The following ZNF536 variants were observed in gnomAD, a reference collection of about 807,000 sequenced individuals.
ZNF536 encodes zinc finger protein 536.
Under a neutral mutation model 84.5 loss-of-function variants are expected in ZNF536, and 13 were observed. The ratio of observed to expected loss-of-function variants is 0.15; its 90% CI spans 0.10 to 0.24. The LOEUF (loss-of-function observed/expected upper bound fraction) is 0.24, where lower values mean the gene tolerates loss of function less well. Ranked by LOEUF, ZNF536 falls within the 10% of genes least tolerant of loss-of-function variation. ZNF536 has a pLI of 1.00. For synonymous variants in ZNF536, 811 were observed against 742.5 expected (o/e 1.09, Z -1.50); for missense variants, 1,536 against 1,747.5 (o/e 0.88, Z 2.16).
intron 2 of ZNF536, among the ~76,000 whole-genome samples, chr19:30,525,850 T>A (rs1248984655): frequency 2.0e-5 from 3 of 151,702 alleles, no homozygotes; most frequent in African/African-American, 7.3e-5. Flanking sequence ...AGGGTTGGAG[T>A]GCAGGTGGGG....
At chr19:30,578,605 C>T (rs147515231) in intron 1 of ZNF536, among the ~76,000 whole-genome samples, 1 of 152,262 alleles carries the variant, frequency 6.6e-6, no homozygotes, top group Non-Finnish European at 1.5e-5. Context: ...GGGCACTGCT[C>T]ATGCAATGGA....
intron 1 of ZNF536, among the ~76,000 whole-genome samples, chr19:30,280,401 T>G (rs1392585356): frequency 6.6e-6 from 1 of 152,036 alleles, no homozygotes. Context: ...TTAACTTCCC[T>G]CCCCTACTCC....
chr19:30,629,442 C>T (rs917409518), intron 1 of ZNF536, among the ~76,000 whole-genome samples: 7 of 152,028 alleles, frequency 4.6e-5, no homozygotes, highest in African/African-American at 1.7e-4. Context: ...GCCATTCACC[C>T]ACCTCGGCCT....
At chr19:30,322,031 C>A (rs1759131549) in intron 2 of ZNF536, among the ~76,000 whole-genome samples, 1 of 152,184 alleles carries the variant, frequency 6.6e-6, no homozygotes, top group African/African-American at 2.4e-5. Flanking sequence ...GCCTTGGCCT[C>A]CCAAAGTGCT....
At chr19:30,312,436 C>T (rs2046537640) in intron 2 of ZNF536, among the ~76,000 whole-genome samples, 2 of 152,202 alleles carry the variant, frequency 1.3e-5, no homozygotes, top group African/African-American at 4.8e-5. Flanking sequence ...TTCCCATGCT[C>T]ACATTTGGCT....
intron 2 of ZNF536, among the ~76,000 whole-genome samples, chr19:30,303,910 C>T (rs969761683): frequency 3.9e-5 from 6 of 152,188 alleles, no homozygotes; most frequent in African/African-American, 9.7e-5. Flanking sequence ...GTGTGTCCTT[C>T]GTCACTGGTG....
At chr19:30,601,114 A>C (rs1416527647) in intron 1 of ZNF536, among the ~76,000 whole-genome samples, 1 of 152,236 alleles carries the variant, frequency 6.6e-6, no homozygotes, top group Admixed American at 6.5e-5. Context: ...CTGAAATCTA[A>C]ATTGTGAACT....
chr19:30,334,588 A>G (rs554222620), intron 2 of ZNF536, among the ~76,000 whole-genome samples: 1 of 152,338 alleles, frequency 6.6e-6, no homozygotes, highest in Admixed American at 6.5e-5. Context: ...TTCTACAAAT[A>G]CTGGCCCGTT....
intron 2 of ZNF536, among the ~76,000 whole-genome samples, chr19:30,344,690 G>T (rs898955077): frequency 2.6e-5 from 4 of 151,964 alleles, no homozygotes; most frequent in Non-Finnish European, 5.9e-5. Context: ...TTTTTTAAAG[G>T]CTGGGCCCAT....
intron 2 of ZNF536, among the ~76,000 whole-genome samples, chr19:30,514,888 G>A (rs566570641): frequency 4.1e-4 from 63 of 152,186 alleles, no homozygotes; most frequent in African/African-American, 1.5e-3. Context: ...CTTACTAGCT[G>A]TGTGAGCCTG....
At chr19:30,556,828 G>A (rs2045980079) in intron 4 of ZNF536, 1 of 207,056 alleles carries the variant, frequency 4.8e-6, no homozygotes, top group Admixed American at 6.2e-5. Context: ...GAATCCTACT[G>A]CTCAGGACCA....
chr19:30,488,083 T>TA (rs1663595586), intron 2 of ZNF536, among the ~76,000 whole-genome samples: 1 of 152,206 alleles, frequency 6.6e-6, no homozygotes, highest in Non-Finnish European at 1.5e-5. Flanking sequence ...TGGTACCACT[T>TA]ATCTGTCTGC....
At chr19:30,505,734 C>G in intron 2 of ZNF536, among the ~76,000 whole-genome samples, 1 of 152,038 alleles carries the variant, frequency 6.6e-6, no homozygotes, top group African/African-American at 2.4e-5. Flanking sequence ...GGCATGATCT[C>G]GGCTCACTGC....
chr19:30,415,193 T>TCCTCTTCTCCCTCCCCCTCCC (rs2050665448), intron 1 of ZNF536, among the ~76,000 whole-genome samples: 1 of 71,660 alleles, frequency 1.4e-5, no homozygotes, highest in Non-Finnish European at 2.5e-5. Flanking sequence ...CTCCCCCTCC[T>TCCTCTTCTCCCTCCCCCTCCC]CCTCTTCTCC....
chr19:30,236,235 G>C lies in ZNF536; in HGVS notation c.-190+7562G>C, dbSNP rs2023490283. 3.3e-5 allele frequency among the ~76,000 whole-genome samples: 5 copies of C among 152,230 alleles called. No homozygotes were observed. In the South Asian group the frequency reaches 1.0e-3, roughly 31 times the overall value. On this transcript the variant is annotated intron_variant, in intron 1 of 5. Transcript: ENST00000585628. ...AGCCACTCTCTCACTGAGTCCTGCC[G>C]CCGCCGGGTACTGAGGACTTGCATG... is the stretch of plus-strand genomic sequence containing the variant.
chr19:30,442,020 G>C (rs573878793), intron 1 of ZNF536, among the ~76,000 whole-genome samples: 1 of 152,360 alleles, frequency 6.6e-6, no homozygotes, highest in African/African-American at 2.4e-5. Flanking sequence ...ACTTAGCCCA[G>C]AAATCAGTCC....
intron 1 of ZNF536, among the ~76,000 whole-genome samples, chr19:30,631,419 C>G (rs1223147519): frequency 1.3e-5 from 2 of 152,212 alleles, no homozygotes; most frequent in Admixed American, 6.5e-5. Flanking sequence ...ACCCGGCTGT[C>G]CCCTCCCACC....
chr19:30,627,206 C>A (rs2147197941), intron 1 of ZNF536, among the ~76,000 whole-genome samples: 1 of 152,116 alleles, frequency 6.6e-6, no homozygotes, highest in East Asian at 1.9e-4. Context: ...GTGCTCACGC[C>A]TATCATCCCA....
At chr19:30,276,165 A>G (rs1040253418) in intron 1 of ZNF536, among the ~76,000 whole-genome samples, 1 of 152,002 alleles carries the variant, frequency 6.6e-6, no homozygotes, top group Non-Finnish European at 1.5e-5. Context: ...GGGGCTTTCT[A>G]TGTTTCTTCA....
Sources: gnomAD v4.1 joint callset for allele counts (sites outside exome capture counted in the v4.1 genomes callset) on GRCh38, gnomAD v4.1.1 for gene constraint, MANE v1.5 for transcripts, NCBI Gene and HGNC (gene_info 2026-07-23, HGNC 2026-07-21) for gene names.